The following UBR1 variants were observed in gnomAD, a reference collection of about 807,000 sequenced individuals.
The protein encoded by UBR1 is ubiquitin protein ligase E3 component n-recognin 1, also known as E3 ubiquitin-protein ligase UBR1.
Under a neutral mutation model 242.1 loss-of-function variants are expected in UBR1, and 102 were observed. The ratio of observed to expected loss-of-function variants is 0.42; its 90% confidence interval spans 0.36 to 0.50. UBR1 has a LOEUF of 0.50. Among genes scored for constraint, UBR1 ranks in the 20% least tolerant of loss-of-function variants. UBR1 has a pLI of 0.01. For missense variants in UBR1, 1,772 were observed against 2,101.8 expected, an observed-to-expected ratio of 0.84 and a Z score of 3.07; for synonymous variants, 675 against 684.8, an observed-to-expected ratio of 0.99 and a Z score of 0.22.
chr15:43,042,352 A>T (rs777370432), intron 15 of UBR1, among the ~76,000 whole-genome samples: 4 of 151,110 alleles, frequency 2.6e-5, no homozygotes, highest in East Asian at 3.9e-4. Flanking sequence ...TTCAGCCTTT[A>T]AAAAAAAAGG....
intron 34 of UBR1, 65 bp from the exon 35 acceptor site, chr15:42,989,032 T>C: frequency 7.2e-7 from 1 of 1,382,176 alleles, no homozygotes; most frequent in Admixed American, 1.7e-5. Context: ...GAAGTCCAAT[T>C]AAGTCCTGAA....
chr15:43,056,121 C>T (rs1187210810), intron 11 of UBR1, among the ~76,000 whole-genome samples: 1 of 152,178 alleles, frequency 6.6e-6, no homozygotes, highest in East Asian at 1.9e-4. Context: ...TCATAAGTTA[C>T]TCTAGAAAGT....
intron 27 of UBR1, 129 bp downstream of exon 27, chr15:43,021,146 A>T (rs574753763): frequency 2.5e-5 from 17 of 671,118 alleles, no homozygotes; most frequent in South Asian, 5.2e-5. Flanking sequence ...AATTATTAAC[A>T]TGAAAAATAA....
intron 1 of UBR1, among the ~76,000 whole-genome samples, chr15:43,093,821 C>T (rs1433852793): frequency 6.8e-6 from 1 of 148,142 alleles, no homozygotes; most frequent in Non-Finnish European, 1.5e-5. Context: ...ACCAAAAAGG[C>T]AAGCTCATAA....
At chr15:42,978,912 T>C (rs1399751017) in intron 37 of UBR1, among the ~76,000 whole-genome samples, 13 of 147,654 alleles carry the variant, frequency 8.8e-5, no homozygotes, top group Admixed American at 5.4e-4. Flanking sequence ...TTTTTTTTTT[T>C]CGAGATGGAG....
At chr15:43,011,211 A>G in intron 29 of UBR1, among the ~76,000 whole-genome samples, 1 of 152,074 alleles carries the variant, frequency 6.6e-6, no homozygotes, top group Non-Finnish European at 1.5e-5. Context: ...AAAAAATATG[A>G]GAGAATATAT....
chr15:43,006,186 T>C (rs2032827614), intron 30 of UBR1, among the ~76,000 whole-genome samples: 1 of 151,578 alleles, frequency 6.6e-6, no homozygotes. Context: ...TGGCCATGGG[T>C]AAGTTACTTG....
In UBR1 at chr15:43,015,077, G is replaced by A. The variant is rs1366123012; in HGVS notation, c.3209+611C>T. On this transcript the variant is annotated intron_variant, in intron 29 of 46. Coordinates refer to ENST00000290650, the MANE Select transcript of UBR1 (RefSeq NM_174916.3). ...CGTCCGGGAGGTGGGGGGCACCTCG[G>A]CCCGGCCGCCCCTACTGGGAAGTGA... Among the ~76,000 whole-genome samples the A allele has an allele frequency of 2.6e-5, 4 of 151,064 alleles. No homozygotes were observed. In the East Asian group the frequency reaches 8.0e-4, roughly 30 times the overall value.
intron 12 of UBR1, among the ~76,000 whole-genome samples, chr15:43,050,294 C>T (rs758581162): frequency 2.0e-5 from 3 of 152,106 alleles, no homozygotes; most frequent in Non-Finnish European, 2.9e-5. Flanking sequence ...GCAAAGGAAA[C>T]TATCAACAGA....
At chr15:43,022,854 A>G in intron 25 of UBR1, 53 bp from the exon 26 acceptor site, 1 of 1,165,448 alleles carries the variant, frequency 8.6e-7, no homozygotes, top group Non-Finnish European at 1.3e-6. Flanking sequence ...AGGTAAATAT[A>G]TTTTTAATTT....
chr15:43,068,122 A>C, intron 5 of UBR1, 86 bp from the exon 6 acceptor site: 1 of 912,102 alleles, frequency 1.1e-6, no homozygotes, highest in Non-Finnish European at 1.6e-6. Context: ...AAATTAATAC[A>C]TAACATCTGT....
intron 30 of UBR1, among the ~76,000 whole-genome samples, chr15:43,004,344 TCTCTCCCTCCTCTC>T (rs200006178): frequency 0.016 from 2,396 of 152,048 alleles, 28 homozygotes; most frequent in Non-Finnish European, 0.024. Context: ...TCTTCCTCTC[TCTCTCCCTCCTCTC>T]CTCTCCCTCC....
At chr15:43,013,361 G>A (rs2032955154) in intron 29 of UBR1, among the ~76,000 whole-genome samples, 1 of 152,140 alleles carries the variant, frequency 6.6e-6, no homozygotes, top group Non-Finnish European at 1.5e-5. Flanking sequence ...GCACAGCTCA[G>A]AAAATTAACC....
intron 12 of UBR1, among the ~76,000 whole-genome samples, chr15:43,053,121 C>A (rs1249030059): frequency 1.3e-5 from 2 of 152,130 alleles, no homozygotes; most frequent in Admixed American, 1.3e-4. Flanking sequence ...ATTTTCCCTT[C>A]CCCTGGTCAC....
chr15:43,012,471 T>C (rs1418760653), intron 29 of UBR1, among the ~76,000 whole-genome samples: 2 of 152,206 alleles, frequency 1.3e-5, no homozygotes, highest in African/African-American at 4.8e-5. Flanking sequence ...AATGCAGAGA[T>C]GGTCAAAGGG....
At chr15:43,014,341 G>A (rs957212534) in intron 29 of UBR1, among the ~76,000 whole-genome samples, 12 of 137,444 alleles carry the variant, frequency 8.7e-5, no homozygotes, top group Admixed American at 5.9e-4. Flanking sequence ...GCCTGGCCGC[G>A]CATCGTCTGG....
intron 3 of UBR1, among the ~76,000 whole-genome samples, chr15:43,077,371 G>A (rs969168602): frequency 4.6e-5 from 7 of 152,042 alleles, no homozygotes; most frequent in African/African-American, 1.4e-4. Flanking sequence ...TGTGCTCTCT[G>A]AAACATGTGC....
intron 22 of UBR1, 45 bp from the exon 23 acceptor site, chr15:43,026,708 T>A (rs367779250): frequency 2.0e-6 from 3 of 1,491,560 alleles, no homozygotes; most frequent in Non-Finnish European, 2.8e-6. Context: ...GTTCTTGAAG[T>A]ATAAAATATA....
At chr15:42,978,175 G>A (rs543040507) in intron 37 of UBR1, among the ~76,000 whole-genome samples, 3 of 152,332 alleles carry the variant, frequency 2.0e-5, no homozygotes, top group South Asian at 4.1e-4. Context: ...TAAAATCTAG[G>A]TGGAAATGGC....
Sources: allele counts gnomAD v4.1 joint callset (sites outside exome capture counted in the v4.1 genomes callset), GRCh38; gene constraint gnomAD v4.1.1; transcripts MANE v1.5; gene names NCBI Gene and HGNC (gene_info 2026-07-23, HGNC 2026-07-21).